TBX20: variants seen among roughly 807,000 people sequenced by gnomAD.
The protein encoded by TBX20 is T-box transcription factor TBX20.
A neutral mutation model predicts 42.9 loss-of-function variants in TBX20; 8 were observed. That is an observed-to-expected ratio of 0.19 (90% CI 0.11 to 0.34). TBX20 has a LOEUF of 0.34. TBX20 is among the 10% of genes least tolerant of loss of function. The probability of loss-of-function intolerance (pLI) is 1.00; values close to 1 mark genes in which losing one functional copy is unlikely to be tolerated. For missense variants in TBX20, 411 were observed against 566.0 expected (o/e 0.73, Z 2.78); for synonymous variants, 198 against 222.8 (o/e 0.89, Z 0.99).
intron 5 of TBX20, 110 bp from the exon 6 acceptor site, chr7:35,231,690 A>T (rs1789869914): frequency 3.9e-6 from 3 of 772,342 alleles, no homozygotes; most frequent in Admixed American, 4.0e-5. Flanking sequence ...AATGTTTCTC[A>T]GTGTCCTGAG....
chr7:35,212,897 T>C (rs1789521426), intron 6 of TBX20, among the ~76,000 whole-genome samples: 1 of 152,186 alleles, frequency 6.6e-6, no homozygotes, highest in South Asian at 2.1e-4. Context: ...TGGAGTTCTT[T>C]AGGGATCCTC....
Position 35,249,744 on chromosome 7 carries a change from C to T in TBX20, c.380+207G>A, listed in dbSNP as rs1490271910. ...CCTTCTCAACAAAGCCAGGGTGGGG[C>T]TTCCCATGACCAAATCCTGAGAACG... is the stretch of plus-strand genomic sequence containing the variant. On this transcript the variant is annotated intron_variant, in intron 2 of 7. Coordinates refer to ENST00000408931, the MANE Select transcript of TBX20 (RefSeq NM_001077653.2). The surrounding 1 kb of genome is among the most constrained non-coding windows in gnomAD (Gnocchi z 4.3). Among the ~76,000 whole-genome samples, 1 of 152,190 alleles carries T rather than the reference C, an allele frequency of 6.6e-6. No homozygotes were observed. Among genetic ancestry groups the T allele is most frequent in the Non-Finnish European group, 1.5e-5 (1 of 68,034 alleles).
At chr7:35,215,771 GAC>G (rs1217084748) in intron 6 of TBX20, among the ~76,000 whole-genome samples, 1 of 152,032 alleles carries the variant, frequency 6.6e-6, no homozygotes, top group East Asian at 1.9e-4. Context: ...ACACGTCAGA[GAC>G]ACAATCACGG....
Position 35,249,926 on chromosome 7 carries a change from C to A in TBX20, c.380+25G>T, listed in dbSNP as rs772524321. The A allele has an allele frequency of 2.6e-5, 42 of 1,586,898 alleles. No individual in the cohort carries two copies. The highest frequency in any genetic ancestry group is 1.7e-4 in the Middle Eastern group (1 of 5,928). On this transcript the variant is annotated intron_variant, in intron 2 of 7. Transcript: ENST00000408931. This position sits in a 1 kb window ranked among gnomAD's most constrained non-coding sequence, Gnocchi z 4.3. Reference sequence around the variant, plus strand: ...GAGTGTCCTGACTCTCCACCCCCAACCCCCAACCCCCAAGTCCCAACTACC... The same window carrying A: ...GAGTGTCCTGACTCTCCACCCCCAAACCCCAACCCCCAAGTCCCAACTACC...
intron 6 of TBX20, among the ~76,000 whole-genome samples, chr7:35,214,057 A>G (rs1355959339): frequency 6.6e-6 from 1 of 152,132 alleles, no homozygotes; most frequent in Non-Finnish European, 1.5e-5. Flanking sequence ...AAGTATTACT[A>G]TAAGGATTAA....
intron 4 of TBX20, among the ~76,000 whole-genome samples, chr7:35,243,809 C>T (rs769873260): frequency 6.6e-6 from 1 of 152,174 alleles, no homozygotes; most frequent in Non-Finnish European, 1.5e-5. Flanking sequence ...AATATCCCAA[C>T]AGCACCACCA....
chr7:35,217,868 G>C (rs1357182901), intron 6 of TBX20, among the ~76,000 whole-genome samples: 2 of 152,074 alleles, frequency 1.3e-5, no homozygotes, highest in Non-Finnish European at 2.9e-5. Flanking sequence ...TTACAGGCAT[G>C]CACCACCACG....
chr7:35,244,536 A>C (rs1453264082), intron 4 of TBX20, among the ~76,000 whole-genome samples: 1 of 152,194 alleles, frequency 6.6e-6, no homozygotes, highest in Non-Finnish European at 1.5e-5. Flanking sequence ...CACTTTGGGA[A>C]ACCCCCATCA....
At position 35,202,477 on chromosome 7, in the gene TBX20, T is replaced by C. The variant is rs373392876; in HGVS notation, c.1297A>G (p.Ile433Val). 6.2e-7 allele frequency: 1 copy of C among 1,607,020 alleles called. No homozygotes were observed. Among genetic ancestry groups the C allele is most frequent in the African/African-American group, 1.3e-5 (1 of 74,574 alleles). Reference protein sequence around the residue: ...HYFQQGPYAAIQGLRHSSAVM... With the variant: ...HYFQQGPYAAVQGLRHSSAVM... ...GCAGAGGAATGGCGTAGTCCTTGAA[T>C]GGCAGCATAGGGCCCCTGCTGAAAA... Residue 433 changes from isoleucine (I) to valine (V), a missense_variant, in exon 8 of 8, where the codon ATT becomes GTT. This residue lies in a region of TBX20 where 162 missense variants were observed against 205.4 expected (regional missense o/e 0.79). Transcript: ENST00000408931.
intron 6 of TBX20, among the ~76,000 whole-genome samples, chr7:35,215,007 TA>T (rs1789558670): frequency 6.6e-6 from 1 of 152,314 alleles, no homozygotes; most frequent in Non-Finnish European, 1.5e-5. Flanking sequence ...AAAAAGAGTG[TA>T]ATAGTTACAT....
intron 6 of TBX20, among the ~76,000 whole-genome samples, chr7:35,210,768 C>T (rs1345165244): frequency 1.3e-5 from 2 of 152,006 alleles, no homozygotes; most frequent in Non-Finnish European, 2.9e-5. Flanking sequence ...GCTTTACTTT[C>T]AACTTATGTC....
chr7:35,234,835 A>C (rs978114953), intron 5 of TBX20, among the ~76,000 whole-genome samples: 1 of 152,126 alleles, frequency 6.6e-6, no homozygotes, highest in African/African-American at 2.4e-5. Flanking sequence ...ATTGTATGGG[A>C]GCTCTGGGTT....
chr7:35,227,653 A>G (rs1331378886), intron 6 of TBX20, among the ~76,000 whole-genome samples: 4 of 152,152 alleles, frequency 2.6e-5, no homozygotes, highest in African/African-American at 9.7e-5. Flanking sequence ...TGACGTTTTC[A>G]CAATGACAAA....
chr7:35,253,326 C>CTGAA (rs1321039684), intron 1 of TBX20, among the ~76,000 whole-genome samples, 168 bp downstream of exon 1: 1 of 152,226 alleles, frequency 6.6e-6, no homozygotes, highest in Non-Finnish European at 1.5e-5. Flanking sequence ...ATTCAACAGA[C>CTGAA]TGAAGCCTCC....
At chr7:35,231,606 GTA>G in intron 5 of TBX20, 26 bp from the exon 6 acceptor site, 1 of 1,482,792 alleles carries the variant, frequency 6.7e-7, no homozygotes, top group Non-Finnish European at 9.4e-7. Context: ...GTACAAAACA[GTA>G]TCATTTATGA....
chr7:35,248,322 G>C (rs1418730427), intron 3 of TBX20, among the ~76,000 whole-genome samples: 2 of 152,068 alleles, frequency 1.3e-5, no homozygotes. Context: ...TTCATCAGTA[G>C]GTTTATTCAC....
chr7:35,236,439 G>A (rs1044355952), intron 5 of TBX20, among the ~76,000 whole-genome samples: 2 of 152,068 alleles, frequency 1.3e-5, no homozygotes, highest in Non-Finnish European at 2.9e-5. Flanking sequence ...GTATGCTATA[G>A]GAAACTTACT....
chr7:35,243,802 A>G (rs983710499), intron 4 of TBX20, among the ~76,000 whole-genome samples: 1 of 152,226 alleles, frequency 6.6e-6, no homozygotes, highest in Non-Finnish European at 1.5e-5. Context: ...TACTTCCAAT[A>G]TCCCAACAGC....
chr7:35,238,980 A>G (rs1207253929), intron 5 of TBX20, among the ~76,000 whole-genome samples: 1 of 152,060 alleles, frequency 6.6e-6, no homozygotes, highest in Admixed American at 6.6e-5. Flanking sequence ...AGAGCACCTT[A>G]CAGCTTCCAA....
Sources: gnomAD v4.1 joint callset for allele counts (sites outside exome capture counted in the v4.1 genomes callset) on GRCh38, gnomAD v4.1.1 for gene constraint, gnomAD v4.1.1 regional missense constraint, Gnocchi (gnomAD v3.1) non-coding constraint, MANE v1.5 for transcripts, NCBI Gene and HGNC (gene_info 2026-07-23, HGNC 2026-07-21) for gene names.